Variants in PLCB4 observed in about 807,000 individuals in gnomAD.
The protein encoded by PLCB4 is phospholipase C beta 4, also known as 1-phosphatidylinositol 4,5-bisphosphate phosphodiesterase beta-4.
A neutral mutation model predicts 178.8 loss-of-function variants in PLCB4; 77 were observed. The observed-to-expected ratio is 0.43, with a 90% CI of 0.36 to 0.52. The LOEUF (loss-of-function observed/expected upper bound fraction) is 0.52, where lower values mean the gene tolerates loss of function less well. PLCB4 is among the 20% of genes least tolerant of loss of function. The pLI is 0.00. For synonymous variants in PLCB4, 496 were observed against 490.8 expected (o/e 1.01, Z -0.14); for missense variants, 1,024 against 1,453.4 (o/e 0.70, Z 4.80).
At chr20:9,355,933 C>G (rs568729390) in intron 7 of PLCB4, among the ~76,000 whole-genome samples, 2 of 152,286 alleles carry the variant, frequency 1.3e-5, no homozygotes, top group South Asian at 4.1e-4. Context: ...AGTGTTCCCA[C>G]CCCTCCACAT....
At chr20:9,150,394 G>A (rs2092671612) in intron 2 of PLCB4, among the ~76,000 whole-genome samples, 1 of 152,030 alleles carries the variant, frequency 6.6e-6, no homozygotes, top group African/African-American at 2.4e-5. Flanking sequence ...GATAAATAGG[G>A]TTCCATGATT....
chr20:9,194,554 G>A (rs955283763), intron 2 of PLCB4, among the ~76,000 whole-genome samples: 5 of 151,726 alleles, frequency 3.3e-5, no homozygotes, highest in African/African-American at 4.8e-5. Flanking sequence ...CGGGCGTGGT[G>A]GCAGGCCAGG....
chr20:9,193,624 C>T (rs925689460), intron 2 of PLCB4, among the ~76,000 whole-genome samples: 2 of 152,046 alleles, frequency 1.3e-5, no homozygotes, highest in Non-Finnish European at 2.9e-5. Context: ...TAGGACAGAG[C>T]TTTCTGAAGA....
intron 4 of PLCB4, among the ~76,000 whole-genome samples, chr20:9,313,716 T>C (rs988647292): frequency 3.3e-4 from 50 of 152,202 alleles, no homozygotes; most frequent in Non-Finnish European, 4.4e-4. Context: ...TGCCACTTTA[T>C]TATGCACTGC....
At chr20:9,153,469 G>T (rs1306745621) in intron 2 of PLCB4, among the ~76,000 whole-genome samples, 1 of 152,110 alleles carries the variant, frequency 6.6e-6, no homozygotes, top group Non-Finnish European at 1.5e-5. Flanking sequence ...TCCCACTCTT[G>T]CTTCTTCCTC....
intron 3 of PLCB4, among the ~76,000 whole-genome samples, chr20:9,306,512 T>A (rs2094768767): frequency 6.6e-6 from 1 of 152,236 alleles, no homozygotes; most frequent in Admixed American, 6.5e-5. Flanking sequence ...ACAATCTTGT[T>A]TTAAATTTCT....
chr20:9,129,194 C>T (rs932770842), intron 2 of PLCB4, among the ~76,000 whole-genome samples: 1 of 152,100 alleles, frequency 6.6e-6, no homozygotes, highest in African/African-American at 2.4e-5. Flanking sequence ...GCCCAATTTC[C>T]AACTGCCTGC....
chr20:9,152,523 G>T (rs575358283), intron 2 of PLCB4, among the ~76,000 whole-genome samples: 8 of 152,326 alleles, frequency 5.3e-5, no homozygotes, highest in Middle Eastern at 3.4e-3. Flanking sequence ...CTTCCATGTT[G>T]TGTTGAGCCT....
At chr20:9,311,289 C>T (rs117156963) in intron 4 of PLCB4, among the ~76,000 whole-genome samples, 2,797 of 152,232 alleles carry the variant, frequency 0.018, 35 homozygotes, top group South Asian at 0.039. Flanking sequence ...CTGTTGACTA[C>T]TCCAATTTGT....
At chr20:9,431,926 C>G (rs1162781901) in intron 28 of PLCB4, among the ~76,000 whole-genome samples, 1 of 152,114 alleles carries the variant, frequency 6.6e-6, no homozygotes, top group Non-Finnish European at 1.5e-5. Flanking sequence ...ATATAAAGTG[C>G]TATATTATTT....
intron 4 of PLCB4, among the ~76,000 whole-genome samples, chr20:9,311,542 C>T: frequency 6.6e-6 from 1 of 152,058 alleles, no homozygotes; most frequent in East Asian, 1.9e-4. Flanking sequence ...TTCCTGTTTC[C>T]TTTATTTTAT....
chr20:9,267,274 A>T (rs2094358492), intron 3 of PLCB4, among the ~76,000 whole-genome samples: 1 of 152,152 alleles, frequency 6.6e-6, no homozygotes, highest in African/African-American at 2.4e-5. Context: ...ACATTATATC[A>T]ACTTGTAACT....
At chr20:9,459,014 C>T in intron 34 of PLCB4, among the ~76,000 whole-genome samples, 1 of 152,132 alleles carries the variant, frequency 6.6e-6, no homozygotes, top group East Asian at 1.9e-4. Flanking sequence ...AAAGAAAATC[C>T]TGATGGAATT....
At position 9,252,256 on chromosome 20, in the gene PLCB4, C is replaced by T. The variant is rs922748930; in HGVS notation, c.-16+34804C>T. On this transcript the variant is annotated intron_variant, in intron 3 of 39. Coordinates refer to ENST00000378473, the MANE Select transcript of PLCB4 (RefSeq NM_001377142.1). ...CTAGTAGCTATCATATGAGACACTGCAAGTATAGGTCCTCACTACTCAAAG... is the reference window on the plus strand; with the variant it reads ...CTAGTAGCTATCATATGAGACACTGTAAGTATAGGTCCTCACTACTCAAAG... 1.1e-4 allele frequency among the ~76,000 whole-genome samples: 17 copies of T among 152,202 alleles called. No individual in the cohort carries two copies. The East Asian group carries it at 3.3e-3, about 29-fold the overall frequency.
chr20:9,092,350 T>C (rs1236568915), intron 1 of PLCB4, among the ~76,000 whole-genome samples: 1 of 152,162 alleles, frequency 6.6e-6, no homozygotes, highest in African/African-American at 2.4e-5. Context: ...GGTAGAGTGA[T>C]GTGCCTTGTT....
At chr20:9,195,337 T>C (rs941822727) in intron 2 of PLCB4, among the ~76,000 whole-genome samples, 2 of 152,210 alleles carry the variant, frequency 1.3e-5, no homozygotes, top group African/African-American at 2.4e-5. Context: ...GCAAGGTTTC[T>C]GTGTTGGTTA....
At chr20:9,266,452 C>T (rs550261827) in intron 3 of PLCB4, among the ~76,000 whole-genome samples, 23 of 152,230 alleles carry the variant, frequency 1.5e-4, no homozygotes, top group African/African-American at 4.3e-4. Flanking sequence ...CCACCTCACA[C>T]GTCTGAAATC....
chr20:9,417,304 A>G (rs1211799053), intron 25 of PLCB4, among the ~76,000 whole-genome samples: 2 of 152,116 alleles, frequency 1.3e-5, no homozygotes, highest in African/African-American at 4.8e-5. Flanking sequence ...TGAGGGGCAG[A>G]CATTGTGTAG....
At chr20:9,085,965 A>G (rs2090391678) in intron 1 of PLCB4, among the ~76,000 whole-genome samples, 2 of 152,218 alleles carry the variant, frequency 1.3e-5, no homozygotes, top group South Asian at 4.1e-4. Flanking sequence ...TATTATAACC[A>G]CAAAACAGTG....
Sources: gnomAD v4.1 joint callset for allele counts (sites outside exome capture counted in the v4.1 genomes callset) on GRCh38, gnomAD v4.1.1 for gene constraint, MANE v1.5 for transcripts, NCBI Gene and HGNC (gene_info 2026-07-23, HGNC 2026-07-21) for gene names.